Variants in CLSTN2 observed in about 807,000 individuals in gnomAD.
CLSTN2 encodes calsyntenin-2.
A neutral mutation model predicts 101.2 loss-of-function variants in CLSTN2; 48 were observed. The observed-to-expected ratio is 0.47, with a 90% confidence interval of 0.38 to 0.60. The LOEUF is 0.60. Ranked by LOEUF, CLSTN2 falls within the 20% of genes least tolerant of loss-of-function variation. CLSTN2 has a pLI of 0.00. For missense variants in CLSTN2, 1,160 were observed against 1,238.2 expected (o/e 0.94, Z 0.95); for synonymous variants, 481 against 463.6 (o/e 1.04, Z -0.48).
intron 2 of CLSTN2, among the ~76,000 whole-genome samples, chr3:140,388,651 G>A (rs76459993): frequency 0.057 from 8,655 of 152,180 alleles, 549 homozygotes; most frequent in African/African-American, 0.16. Flanking sequence ...AAGTTTCTTC[G>A]CCTCTCTGTG....
intron 8 of CLSTN2, among the ~76,000 whole-genome samples, chr3:140,528,811 C>A (rs2107777596): frequency 6.6e-6 from 1 of 152,326 alleles, no homozygotes. Context: ...CAGTGCCTTG[C>A]ACCTGGTCTA....
intron 1 of CLSTN2, among the ~76,000 whole-genome samples, chr3:140,144,425 T>C (rs1156424558): frequency 6.6e-6 from 1 of 152,110 alleles, no homozygotes; most frequent in Non-Finnish European, 1.5e-5. Context: ...CTGGCCAACA[T>C]GCTGAAACCC....
In CLSTN2 at chr3:140,562,913, C is replaced by T; in HGVS notation, c.2315C>T (p.Ser772Leu). The change falls in exon 14 of 17, where the codon TCA becomes TTA. Residue 772 changes from serine (S) to leucine (L), a missense_variant. Physicochemically the swap from Ser to Leu is moderately radical, Grantham distance 145. Coordinates refer to ENST00000458420, the MANE Select transcript of CLSTN2 (RefSeq NM_022131.3). ...LEARRFRIKC[S>L]ELNGRYTSNE... is the part of the protein sequence containing the mutation. ...GCCCGGCGTTTCCGGATTAAGTGCT[C>T]AGAACTCAATGGGCGCTACACTAGC... The T allele has an allele frequency of 1.2e-6, 2 of 1,614,154 alleles. No individual in the cohort carries two copies. Among genetic ancestry groups the T allele is most frequent in the Non-Finnish European group, 1.7e-6 (2 of 1,180,024 alleles).
At chr3:140,344,122 C>T (rs114048575) in intron 2 of CLSTN2, among the ~76,000 whole-genome samples, 2,461 of 152,320 alleles carry the variant, frequency 0.016, 68 homozygotes, top group African/African-American at 0.056. Flanking sequence ...AGTAATGCTA[C>T]ATAACAAGCT....
chr3:140,109,157 A>G (rs1193226570), intron 1 of CLSTN2, among the ~76,000 whole-genome samples: 2 of 152,136 alleles, frequency 1.3e-5, no homozygotes, highest in African/African-American at 4.8e-5. Context: ...TTACACATGG[A>G]AACGTCTTAT....
intron 2 of CLSTN2, among the ~76,000 whole-genome samples, chr3:140,201,794 GCA>G (rs1559805074): frequency 1.3e-5 from 2 of 151,480 alleles, no homozygotes; most frequent in African/African-American, 4.9e-5. Flanking sequence ...TTATATGCAC[GCA>G]CACACACATG....
chr3:140,182,363 G>A (rs1053376332), intron 2 of CLSTN2, among the ~76,000 whole-genome samples: 2 of 152,220 alleles, frequency 1.3e-5, no homozygotes, highest in East Asian at 3.9e-4. Context: ...GATGAAAGAG[G>A]TCTGTGAGTG....
chr3:140,357,802 A>G (rs2087688879), intron 2 of CLSTN2, among the ~76,000 whole-genome samples: 1 of 152,192 alleles, frequency 6.6e-6, no homozygotes, highest in Non-Finnish European at 1.5e-5. Flanking sequence ...AGCATGGCCC[A>G]GGGTCACCAA....
At chr3:139,965,991 C>T (rs116012935) in intron 1 of CLSTN2, among the ~76,000 whole-genome samples, 1,734 of 152,266 alleles carry the variant, frequency 0.011, 49 homozygotes, top group African/African-American at 0.039. Context: ...AGCATTTTGA[C>T]GCTAGCCAAT....
At chr3:140,270,493 A>G (rs1211622040) in intron 2 of CLSTN2, among the ~76,000 whole-genome samples, 2 of 152,114 alleles carry the variant, frequency 1.3e-5, no homozygotes, top group Non-Finnish European at 2.9e-5. Flanking sequence ...CAAGCCTGAA[A>G]CAAGCTAAGA....
At chr3:140,257,001 T>A (rs2086609164) in intron 2 of CLSTN2, among the ~76,000 whole-genome samples, 1 of 152,184 alleles carries the variant, frequency 6.6e-6, no homozygotes, top group South Asian at 2.1e-4. Context: ...TAGAAAGGCA[T>A]ACATAGGCCG....
In CLSTN2 at chr3:140,311,496, G is replaced by A. The variant is rs189779972; in HGVS notation, c.233-92133G>A. On this transcript the variant is annotated intron_variant, in intron 2 of 16. Coordinates refer to ENST00000458420, the MANE Select transcript of CLSTN2 (RefSeq NM_022131.3). Reference sequence around the variant, plus strand: ...AATTTTTTTTTTTTTTTTTTAAGTAGAGATGGGGTTTCACCATGTTGGCCA... The same window carrying A: ...AATTTTTTTTTTTTTTTTTTAAGTAAAGATGGGGTTTCACCATGTTGGCCA... 1.6e-3 allele frequency among the ~76,000 whole-genome samples: 230 copies of A among 146,674 alleles called. 1 individual carries two copies. Among genetic ancestry groups the A allele is most frequent in the Non-Finnish European group, 2.7e-3 (182 of 67,034 alleles).
At chr3:140,331,870 C>G (rs1347760517) in intron 2 of CLSTN2, among the ~76,000 whole-genome samples, 2 of 152,206 alleles carry the variant, frequency 1.3e-5, no homozygotes, top group Non-Finnish European at 2.9e-5. Flanking sequence ...TAGTAAGCTT[C>G]CAAGCTCACT....
intron 2 of CLSTN2, among the ~76,000 whole-genome samples, chr3:140,212,555 A>G (rs1007724212): frequency 3.9e-5 from 6 of 152,106 alleles, no homozygotes; most frequent in South Asian, 2.1e-4. Flanking sequence ...GCTTAGTCTC[A>G]TTTGCTTATA....
chr3:140,006,513 C>T (rs182402328), intron 1 of CLSTN2, among the ~76,000 whole-genome samples: 66 of 152,312 alleles, frequency 4.3e-4, no homozygotes, highest in Middle Eastern at 3.4e-3. Context: ...TTGGAATCCA[C>T]GCTTAATCTC....
intron 2 of CLSTN2, among the ~76,000 whole-genome samples, chr3:140,179,620 CAAAAA>C (rs57433306): frequency 0.075 from 2,805 of 37,632 alleles, 219 homozygotes; most frequent in African/African-American, 0.21. Flanking sequence ...GACCCTATCT[CAAAAA>C]AAAAAAAAAA....
rs144780484 is a variant in CLSTN2, at chr3:140,053,291, C to G, written c.109+117808C>G. Among the ~76,000 whole-genome samples the G allele has an allele frequency of 4.7e-3, 721 of 152,314 alleles. 5 individuals carry two copies. Among genetic ancestry groups the G allele is most frequent in the Non-Finnish European group, 8.3e-3 (565 of 68,018 alleles). ...CCTTGGCCCCTTCAGCCACCACCAG[C>G]ACACAGGATGATGTAATTGAATTTG... On this transcript the variant is annotated intron_variant, in intron 1 of 16. Transcript: ENST00000458420.
At chr3:140,063,428 G>A (rs972995977) in intron 1 of CLSTN2, among the ~76,000 whole-genome samples, 5 of 152,062 alleles carry the variant, frequency 3.3e-5, no homozygotes, top group Non-Finnish European at 5.9e-5. Flanking sequence ...GAGGAGTAAA[G>A]CTCCTGCTTT....
intron 1 of CLSTN2, among the ~76,000 whole-genome samples, chr3:140,138,262 A>T (rs2009644803): frequency 6.6e-6 from 1 of 152,204 alleles, no homozygotes; most frequent in South Asian, 2.1e-4. Flanking sequence ...TTGCAGAAAG[A>T]GACAGGGACA....
Sources: gnomAD v4.1 joint callset for allele counts (sites outside exome capture counted in the v4.1 genomes callset) on GRCh38, gnomAD v4.1.1 for gene constraint, MANE v1.5 for transcripts, NCBI Gene and HGNC (gene_info 2026-07-23, HGNC 2026-07-21) for gene names.